Variants in LRRFIP1 observed in about 807,000 individuals in gnomAD.
LRRFIP1 encodes LRR binding FLII interacting protein 1.
Under a neutral mutation model 104.4 loss-of-function variants are expected in LRRFIP1, and 62 were observed. That is an observed-to-expected ratio of 0.59 (90% CI 0.48 to 0.73). The LOEUF is 0.73. Among genes scored for constraint, LRRFIP1 ranks in the 30% least tolerant of loss-of-function variants. The pLI is 0.00. For synonymous variants in LRRFIP1, 300 were observed against 299.0 expected (o/e 1.00, Z -0.03); for missense variants, 796 against 824.5 (o/e 0.97, Z 0.42).
In LRRFIP1 at chr2:237,772,701, G is replaced by C. The variant is rs1421927263; in HGVS notation, c.1628-165G>C. On this transcript the variant is annotated intron_variant, in intron 21 of 23. Transcript: ENST00000308482. ...CACTTTCCCTGGGTTCATGGGGAGAGAGTGCCTTCTCCTACTCTCAGCTCT... is the reference window on the plus strand; with the variant it reads ...CACTTTCCCTGGGTTCATGGGGAGACAGTGCCTTCTCCTACTCTCAGCTCT... 20 of 607,528 alleles carry C rather than the reference G, an allele frequency of 3.3e-5. No homozygotes were observed. The Admixed American group carries it at 5.7e-4, about 17-fold the overall frequency. 37.6% of individuals were successfully genotyped at this position (607,528 alleles called of 1,614,324 possible).
rs148416648 is a variant in LRRFIP1, at chr2:237,633,587, G to A, written c.96+5847G>A. On this transcript the variant is annotated intron_variant, in intron 1 of 23. Transcript: ENST00000308482. ...TGAGCCCTGCCCGTCCCCAGTGAGT[G>A]TGAGACGGGAAAGGAGAGAGGGGCG... Among the ~76,000 whole-genome samples, 181 of 151,252 alleles carry A rather than the reference G, an allele frequency of 1.2e-3. 6 individuals are homozygous for A. The East Asian group carries it at 0.028, about 23-fold the overall frequency.
At chr2:237,715,710 G>A (rs931203733) in intron 3 of LRRFIP1, among the ~76,000 whole-genome samples, 3 of 152,248 alleles carry the variant, frequency 2.0e-5, no homozygotes, top group Non-Finnish European at 4.4e-5. Context: ...GCTGCTTTGC[G>A]GAACAGTTTC....
rs2149469071 is a variant in LRRFIP1 at position 237,661,763 on chromosome 2, G to A, written c.96+34023G>A. The stretch of plus-strand genomic sequence containing the variant: ...GCATGGGGACAGCTCCAGGAAGAGA[G>A]AGGGCACTGTTTTCCTGTTTCCTGA... On this transcript the variant is annotated intron_variant, in intron 1 of 23. Coordinates refer to ENST00000308482, the MANE Select transcript of LRRFIP1 (RefSeq NM_001137550.2). The surrounding 1 kb of genome is among the most constrained non-coding windows in gnomAD (Gnocchi z 4.4). Among the ~76,000 whole-genome samples the A allele has an allele frequency of 6.6e-6, 1 of 152,332 alleles. No individual in the cohort carries two copies. Among genetic ancestry groups the A allele is most frequent in the South Asian group, 2.1e-4 (1 of 4,830 alleles).
Position 237,766,036 on chromosome 2 carries a change from C to A in LRRFIP1, c.1460-3907C>A. 1 of 490,914 alleles carries A rather than the reference C, an allele frequency of 2.0e-6. No homozygotes were observed. The highest frequency in any genetic ancestry group is 2.6e-6 in the Non-Finnish European group (1 of 378,386). The allele number at this position is 490,914 out of a possible 1,614,324, so 30.4% of individuals were successfully genotyped here. A position where few individuals can be genotyped will look rare whatever the true frequency, so the allele number is the denominator to read the frequency against. ...ATTCCTATTGGGGTTCCGTGGAAGA[C>A]CCACGCCTGATGCCCTCCCTCAGTA... On this transcript the variant is annotated intron_variant, in intron 19 of 23. Coordinates refer to ENST00000308482, the MANE Select transcript of LRRFIP1 (RefSeq NM_001137550.2). The surrounding 1 kb of genome is among the most constrained non-coding windows in gnomAD (Gnocchi z 4.8).
rs1446303797 is a variant in LRRFIP1 at position 237,773,525 on chromosome 2, G to T, written c.1707+580G>T. 4.6e-5 allele frequency among the ~76,000 whole-genome samples: 7 copies of T among 152,132 alleles called. No individual in the cohort carries two copies. In the East Asian group the frequency reaches 1.3e-3, roughly 29 times the overall value. ...TGCACTCCAGCCTGGGCAACAGCGA[G>T]ACTCTGTCTCAAAAATAAAATAAAA... On this transcript the variant is annotated intron_variant, in intron 22 of 23. Transcript: ENST00000308482.
At chr2:237,774,586 C>T (rs1420435532) in intron 23 of LRRFIP1, 124 bp downstream of exon 23, 5 of 674,784 alleles carry the variant, frequency 7.4e-6, no homozygotes, top group Non-Finnish European at 1.3e-5. Flanking sequence ...GATCATCCCA[C>T]ACCACTCTGC....
chr2:237,726,575 A>G (rs946567440), intron 7 of LRRFIP1, among the ~76,000 whole-genome samples: 1 of 152,206 alleles, frequency 6.6e-6, no homozygotes, highest in Non-Finnish European at 1.5e-5. Context: ...TAATGTATTT[A>G]TTATTATGCA....
rs2094403137 is a variant in LRRFIP1, at chr2:237,717,954, T to G, written c.249+145T>G. 1 of 755,700 alleles carries G rather than the reference T, an allele frequency of 1.3e-6. No individual in the cohort carries two copies. Among genetic ancestry groups the G allele is most frequent in the Admixed American group, 2.0e-5 (1 of 48,902 alleles). 46.8% of individuals were successfully genotyped at this position (755,700 alleles called of 1,614,324 possible). On this transcript the variant is annotated intron_variant, in intron 4 of 23. Coordinates refer to ENST00000308482, the MANE Select transcript of LRRFIP1 (RefSeq NM_001137550.2). The surrounding 1 kb of genome is among the most constrained non-coding windows in gnomAD (Gnocchi z 4.2). ...GCACCATAATTTAATACTGAGAGAT[T>G]TTCTTCCGGGGATTTCTGCATCTGG...
intron 1 of LRRFIP1, among the ~76,000 whole-genome samples, chr2:237,666,689 C>T (rs1301619452): frequency 1.3e-5 from 2 of 152,164 alleles, no homozygotes; most frequent in Non-Finnish European, 2.9e-5. Flanking sequence ...AGTGAAGAGA[C>T]ATGTCCTTGA....
At chr2:237,755,482 A>G (rs3769057) in intron 15 of LRRFIP1, among the ~76,000 whole-genome samples, 40,367 of 152,190 alleles carry the variant, frequency 0.27, 5,620 homozygotes, top group East Asian at 0.53. Flanking sequence ...GCTGTGGAAG[A>G]CACCAGGCTC....
chr2:237,761,162 G>A (rs537954551), intron 19 of LRRFIP1, among the ~76,000 whole-genome samples: 7 of 152,266 alleles, frequency 4.6e-5, no homozygotes, highest in East Asian at 3.9e-4. Context: ...CTCAGGCCTC[G>A]CATTCCAGGG....
chr2:237,661,436 A>G lies in LRRFIP1; in HGVS notation c.96+33696A>G, dbSNP rs2087925912. 6.6e-6 allele frequency among the ~76,000 whole-genome samples: 1 copy of G among 152,070 alleles called. No homozygotes were observed. The highest frequency in any genetic ancestry group is 1.5e-5 in the Non-Finnish European group (1 of 68,008). On this transcript the variant is annotated intron_variant, in intron 1 of 23. Transcript: ENST00000308482. This position sits in a 1 kb window ranked among gnomAD's most constrained non-coding sequence, Gnocchi z 4.4. The stretch of plus-strand genomic sequence containing the variant: ...GACAGTGGAAACTTTTTGTTCCCCA[A>G]AGCCCTCCAGCTGGCCGGGCTGCCC...
intron 8 of LRRFIP1, among the ~76,000 whole-genome samples, chr2:237,728,887 G>T (rs1440993702): frequency 6.6e-6 from 1 of 151,976 alleles, no homozygotes; most frequent in Non-Finnish European, 1.5e-5. Flanking sequence ...GTTTTTACTT[G>T]CTCATTCCTA....
At chr2:237,731,554 T>C (rs1052540018) in intron 8 of LRRFIP1, among the ~76,000 whole-genome samples, 1 of 152,026 alleles carries the variant, frequency 6.6e-6, no homozygotes, top group Non-Finnish European at 1.5e-5. Context: ...AAAGCATCGG[T>C]GGGTTTAACA....
chr2:237,763,313 G>A (rs2060052071), intron 19 of LRRFIP1: 1 of 1,614,028 alleles, frequency 6.2e-7, no homozygotes, highest in Admixed American at 1.7e-5. Flanking sequence ...GGAAGCGACA[G>A]GTCCAAGTAC....
At chr2:237,666,047 A>G (rs1259622304) in intron 1 of LRRFIP1, among the ~76,000 whole-genome samples, 1 of 152,184 alleles carries the variant, frequency 6.6e-6, no homozygotes, top group Non-Finnish European at 1.5e-5. Context: ...GGACGGCCCC[A>G]CCCTGGCTGC....
intron 1 of LRRFIP1, among the ~76,000 whole-genome samples, chr2:237,679,668 G>C (rs2091579225): frequency 6.6e-6 from 1 of 152,202 alleles, no homozygotes; most frequent in Admixed American, 6.5e-5. Flanking sequence ...GAGTGCAATG[G>C]CATGATCTCG....
Position 237,753,246 on chromosome 2 carries a change from C to G in LRRFIP1, c.868-63C>G. On this transcript the variant is annotated intron_variant, in intron 14 of 23. Transcript: ENST00000308482. Reference sequence around the variant, plus strand: ...CTGAGGGTTTTTTTTTAACAGAATACTGAATGATTCTTTGTTTTGATTTTT... The same window carrying G: ...CTGAGGGTTTTTTTTTAACAGAATAGTGAATGATTCTTTGTTTTGATTTTT... 26 of 1,306,176 alleles carry G rather than the reference C, an allele frequency of 2.0e-5. No individual in the cohort carries two copies. In the South Asian group the frequency reaches 3.2e-4, roughly 16 times the overall value. The allele number at this position is 1,306,176 out of a possible 1,614,324, so 80.9% of individuals were successfully genotyped here.
At chr2:237,723,699 G>A (rs1325918965) in intron 7 of LRRFIP1, 113 bp downstream of exon 7, 11 of 1,313,168 alleles carry the variant, frequency 8.4e-6, no homozygotes, top group East Asian at 2.3e-5. Context: ...TTTTGCCTGG[G>A]GGGCTATGAG....
Sources: allele counts gnomAD v4.1 joint callset (sites outside exome capture counted in the v4.1 genomes callset), GRCh38; gene constraint gnomAD v4.1.1; non-coding constraint Gnocchi (gnomAD v3.1); transcripts MANE v1.5; gene names NCBI Gene and HGNC (gene_info 2026-07-23, HGNC 2026-07-21).